OXR1: variants seen among roughly 807,000 people sequenced by gnomAD.
The protein encoded by OXR1 is oxidation resistance 1.
OXR1 carries 41 observed loss-of-function variants against 104.6 expected under a neutral mutation model. The observed-to-expected ratio is 0.39, with a 90% CI of 0.31 to 0.51. The LOEUF (loss-of-function observed/expected upper bound fraction) is 0.51. OXR1 is among the 20% of genes least tolerant of loss of function. The probability of loss-of-function intolerance (pLI) is 0.77; values close to 1 mark genes in which losing one functional copy is unlikely to be tolerated. For synonymous variants in OXR1, 348 were observed against 348.4 expected, an observed-to-expected ratio of 1.00 and a Z score of 0.01; for missense variants, 955 against 1,031.9, an observed-to-expected ratio of 0.93 and a Z score of 1.02.
intron 3 of OXR1, among the ~76,000 whole-genome samples, chr8:106,598,576 T>A (rs552946377): frequency 6.6e-6 from 1 of 152,354 alleles, no homozygotes; most frequent in South Asian, 2.1e-4. Flanking sequence ...AACCGACATG[T>A]CCAAAATTCA....
chr8:106,292,657 A>C (rs1812805670), intron 1 of OXR1, among the ~76,000 whole-genome samples: 2 of 152,174 alleles, frequency 1.3e-5, no homozygotes, highest in Admixed American at 6.5e-5. Context: ...TGATAATGTG[A>C]TAAAGCATGA....
rs374983495 is a variant in OXR1 at position 106,713,804 on chromosome 8, T to C, written c.1794-19T>C. The C allele has an allele frequency of 6.8e-7, 1 of 1,468,538 alleles. No homozygotes were observed. The highest frequency in any genetic ancestry group is 9.0e-7 in the Non-Finnish European group (1 of 1,105,020). 91.0% of individuals were successfully genotyped at this position (1,468,538 alleles called of 1,614,324 possible). On this transcript the variant is annotated intron_variant, in intron 10 of 16. Coordinates refer to ENST00000517566, the MANE Select transcript of OXR1 (RefSeq NM_001198533.2). ...CAGCACAGAATACTAGGTATATTAA[T>C]AGTCACTTCTCCTAACAGGACAGAT...
chr8:106,677,985 A>G (rs1464872505), intron 3 of OXR1, among the ~76,000 whole-genome samples: 1 of 152,082 alleles, frequency 6.6e-6, no homozygotes, highest in Non-Finnish European at 1.5e-5. Context: ...GAAGAAAGGC[A>G]ATGTTTTGGA....
In OXR1 at chr8:106,534,005, G is replaced by A. The variant is rs147140679; in HGVS notation, c.220+14866G>A. ...TAGGATTACAGGCGTGAACCACCACGCGCAGCCAGGTTTACCTTTTATCAG... is the reference window on the plus strand; with the variant it reads ...TAGGATTACAGGCGTGAACCACCACACGCAGCCAGGTTTACCTTTTATCAG... On this transcript the variant is annotated intron_variant, in intron 3 of 16. Coordinates refer to ENST00000517566, the MANE Select transcript of OXR1 (RefSeq NM_001198533.2). Among the ~76,000 whole-genome samples the A allele has an allele frequency of 2.6e-3, 391 of 152,168 alleles. 1 individual carries two copies. Among genetic ancestry groups the A allele is most frequent in the African/African-American group, 8.9e-3 (368 of 41,510 alleles).
chr8:106,598,991 T>C (rs1819737069), intron 3 of OXR1, among the ~76,000 whole-genome samples: 1 of 152,202 alleles, frequency 6.6e-6, no homozygotes, highest in East Asian at 1.9e-4. Context: ...TTGATAAAAC[T>C]TGGGAAATTA....
chr8:106,312,793 C>A (rs571790756), intron 1 of OXR1, among the ~76,000 whole-genome samples: 13 of 152,126 alleles, frequency 8.5e-5, no homozygotes, highest in Non-Finnish European at 8.8e-5. Context: ...TTAATACAGT[C>A]ATCAGCTAAC....
chr8:106,398,378 G>C (rs1047333487), intron 2 of OXR1, among the ~76,000 whole-genome samples: 5 of 152,120 alleles, frequency 3.3e-5, no homozygotes, highest in African/African-American at 1.2e-4. Flanking sequence ...GTGTTTAAAA[G>C]CATTTTCCCA....
At chr8:106,404,861 A>G (rs1818152821) in intron 2 of OXR1, among the ~76,000 whole-genome samples, 1 of 151,780 alleles carries the variant, frequency 6.6e-6, no homozygotes, top group Admixed American at 6.6e-5. Flanking sequence ...TCCCACCACC[A>G]CGCTTGGCTA....
chr8:106,630,198 A>C (rs1032483735), intron 3 of OXR1, among the ~76,000 whole-genome samples: 13 of 152,308 alleles, frequency 8.5e-5, no homozygotes, highest in African/African-American at 3.1e-4. Flanking sequence ...AAAGTCCTAC[A>C]ATCTCCTTTA....
At chr8:106,670,090 A>G (rs1826781717) in intron 3 of OXR1, among the ~76,000 whole-genome samples, 1 of 152,146 alleles carries the variant, frequency 6.6e-6, no homozygotes, top group Non-Finnish European at 1.5e-5. Context: ...TGAGAGACCA[A>G]AAGGTGCATT....
chr8:106,684,195 A>ATTATTAACACTTCATT, intron 5 of OXR1, 51 bp from the exon 6 acceptor site: 1 of 889,936 alleles, frequency 1.1e-6, no homozygotes, highest in Non-Finnish European at 1.9e-6. Flanking sequence ...ACACCATCTA[A>ATTATTAACACTTCATT]TTATTAACAC....
intron 10 of OXR1, among the ~76,000 whole-genome samples, chr8:106,711,020 T>C (rs1831630313): frequency 6.6e-6 from 1 of 152,110 alleles, no homozygotes; most frequent in Non-Finnish European, 1.5e-5. Flanking sequence ...CCAATTTGGG[T>C]AGTAAAGAGA....
intron 1 of OXR1, among the ~76,000 whole-genome samples, chr8:106,345,159 G>T (rs1815426244): frequency 6.6e-6 from 1 of 152,174 alleles, no homozygotes; most frequent in Non-Finnish European, 1.5e-5. Context: ...AAAAGTGCCT[G>T]ACACACAGCA....
Position 106,679,246 on chromosome 8 carries a change from G to C in OXR1, c.257G>C (p.Gly86Ala). ...AAGAAGACCCTAGACAAGAAAGATG[G>C]AAGACGAATGTCTTTTCAGAAACCT... ...GQKKTLDKKD[G>A]RRMSFQKPKG... Residue 86 changes from glycine (G) to alanine (A), a missense_variant, in exon 4 of 17, where the codon GGA becomes GCA. Around this residue, in one of 2 missense-constraint regions of OXR1, gnomAD observed 849 missense variants for 852.9 expected, o/e 1.00. Transcript: ENST00000517566. 1 of 1,610,578 alleles carries C rather than the reference G, an allele frequency of 6.2e-7. No homozygotes were observed. Among genetic ancestry groups the C allele is most frequent in the Non-Finnish European group, 8.5e-7 (1 of 1,177,472 alleles).
chr8:106,717,645 T>G (rs1018482989), intron 11 of OXR1, among the ~76,000 whole-genome samples: 5 of 152,188 alleles, frequency 3.3e-5, no homozygotes, highest in Admixed American at 2.6e-4. Flanking sequence ...AAGGCAGGGA[T>G]TTGTCAATTT....
intron 2 of OXR1, among the ~76,000 whole-genome samples, chr8:106,415,036 G>T (rs987683082): frequency 6.6e-6 from 1 of 152,104 alleles, no homozygotes; most frequent in Non-Finnish European, 1.5e-5. Flanking sequence ...AATTTAATCT[G>T]AGTCATCCTT....
intron 1 of OXR1, among the ~76,000 whole-genome samples, chr8:106,334,168 T>C (rs28845281): frequency 0.16 from 24,760 of 152,198 alleles, 2,350 homozygotes; most frequent in African/African-American, 0.25. Context: ...AGTGTACAAA[T>C]CTTGCTTTTT....
At chr8:106,399,843 C>T (rs1001382905) in intron 2 of OXR1, among the ~76,000 whole-genome samples, 1 of 152,134 alleles carries the variant, frequency 6.6e-6, no homozygotes, top group Non-Finnish European at 1.5e-5. Context: ...TTCCAGATTG[C>T]AAGCTTCTTA....
At chr8:106,590,275 T>G (rs1011896845) in intron 3 of OXR1, among the ~76,000 whole-genome samples, 4 of 151,752 alleles carry the variant, frequency 2.6e-5, no homozygotes, top group East Asian at 1.9e-4. Flanking sequence ...GTTTTTGGTT[T>G]TTGTTGTTGT....
Sources: gnomAD v4.1 joint callset for allele counts (sites outside exome capture counted in the v4.1 genomes callset) on GRCh38, gnomAD v4.1.1 for gene constraint, gnomAD v4.1.1 regional missense constraint, MANE v1.5 for transcripts, NCBI Gene and HGNC (gene_info 2026-07-23, HGNC 2026-07-21) for gene names.